The following PTPRT variants were observed in gnomAD, a reference collection of about 807,000 sequenced individuals.
PTPRT encodes the protein protein tyrosine phosphatase receptor type T.
PTPRT carries 56 observed loss-of-function variants against 176.8 expected under a neutral mutation model. That is an observed-to-expected ratio of 0.32 (90% CI 0.26 to 0.40). The LOEUF (loss-of-function observed/expected upper bound fraction) is 0.40, where lower values mean the gene tolerates loss of function less well. Among genes scored for constraint, PTPRT ranks in the 10% least tolerant of loss-of-function variants. PTPRT has a pLI of 1.00. For synonymous variants in PTPRT, 783 were observed against 739.0 expected (o/e 1.06, Z -0.96); for missense variants, 1,540 against 1,908.2 (o/e 0.81, Z 3.60).
intron 16 of PTPRT, among the ~76,000 whole-genome samples, chr20:42,198,279 G>C (rs891482489): frequency 6.6e-6 from 1 of 152,202 alleles, no homozygotes; most frequent in Admixed American, 6.5e-5. Context: ...GTGAGGATGA[G>C]AGACAGTGTC....
At chr20:42,360,033 TG>T (rs2058412048) in intron 9 of PTPRT, among the ~76,000 whole-genome samples, 1 of 152,228 alleles carries the variant, frequency 6.6e-6, no homozygotes, top group African/African-American at 2.4e-5. Context: ...CTATTGGCTG[TG>T]GGATCAAACA....
chr20:42,042,982 G>C, the PTPRT span, among the ~76,000 whole-genome samples: 1 of 152,180 alleles, frequency 6.6e-6, no homozygotes, highest in Non-Finnish European at 1.5e-5. Context: ...AAACATCACC[G>C]CTTTTTAGAG....
intron 7 of PTPRT, among the ~76,000 whole-genome samples, chr20:42,499,144 T>C (rs6072764): frequency 0.12 from 17,676 of 152,096 alleles, 1,122 homozygotes; most frequent in East Asian, 0.2. Flanking sequence ...CAACAGGAAG[T>C]GGCTACAAAA....
intron 11 of PTPRT, among the ~76,000 whole-genome samples, chr20:42,332,363 C>G (rs1271186359): frequency 6.6e-6 from 1 of 152,056 alleles, no homozygotes; most frequent in Non-Finnish European, 1.5e-5. Context: ...GTGCCCACCA[C>G]CACGCCTGGC....
At chr20:42,769,245 TG>T in intron 5 of PTPRT, among the ~76,000 whole-genome samples, 1 of 152,284 alleles carries the variant, frequency 6.6e-6, no homozygotes, top group East Asian at 1.9e-4. Flanking sequence ...GGTCCCTAGA[TG>T]GGCTCTTTAT....
intron 7 of PTPRT, among the ~76,000 whole-genome samples, chr20:42,544,349 A>G (rs2072635819): frequency 6.6e-6 from 1 of 152,126 alleles, no homozygotes; most frequent in Non-Finnish European, 1.5e-5. Context: ...ATTTCCTTAA[A>G]CCTGATGAGC....
chr20:42,629,388 G>A (rs539671337), intron 7 of PTPRT, among the ~76,000 whole-genome samples: 8 of 152,228 alleles, frequency 5.3e-5, no homozygotes, highest in South Asian at 2.1e-4. Context: ...CAGAGATACC[G>A]CAAAGTATCT....
intron 18 of PTPRT, among the ~76,000 whole-genome samples, chr20:42,141,055 A>C (rs559919120): frequency 1.3e-4 from 20 of 152,258 alleles, no homozygotes; most frequent in African/African-American, 3.9e-4. Context: ...TGACTTCATC[A>C]ATGAGTCATT....
At chr20:42,539,652 A>G (rs1164625035) in intron 7 of PTPRT, among the ~76,000 whole-genome samples, 1 of 151,682 alleles carries the variant, frequency 6.6e-6, no homozygotes, top group African/African-American at 2.4e-5. Flanking sequence ...AAAAAAACCC[A>G]CATGCATTTA....
At chr20:42,408,511 G>A (rs2145727851) in intron 9 of PTPRT, among the ~76,000 whole-genome samples, 1 of 152,100 alleles carries the variant, frequency 6.6e-6, no homozygotes, top group Middle Eastern at 3.4e-3. Context: ...AGGGCATGCA[G>A]TCAGGGAATC....
chr20:42,378,651 C>G (rs564042274), intron 9 of PTPRT, among the ~76,000 whole-genome samples: 1 of 152,254 alleles, frequency 6.6e-6, no homozygotes, highest in African/African-American at 2.4e-5. Context: ...CTTAAGATCA[C>G]TGGAGGCAGC....
intron 1 of PTPRT, among the ~76,000 whole-genome samples, chr20:43,011,032 A>G (rs1012821891): frequency 2.2e-4 from 34 of 152,196 alleles, no homozygotes; most frequent in African/African-American, 8.0e-4. Context: ...GAGAGTTAAG[A>G]AAACGTGGGC....
At chr20:42,568,037 T>A (rs932082314) in intron 7 of PTPRT, among the ~76,000 whole-genome samples, 1 of 151,858 alleles carries the variant, frequency 6.6e-6, no homozygotes, top group African/African-American at 2.4e-5. Context: ...TGACACGATC[T>A]TGGCTCACTG....
chr20:42,743,085 G>C (rs971100), intron 6 of PTPRT, among the ~76,000 whole-genome samples: 148,775 of 152,218 alleles, frequency 0.98, 72,799 homozygotes, highest in East Asian at 1. Flanking sequence ...TTAACTCAAA[G>C]AGGAGGCTTT....
intron 7 of PTPRT, among the ~76,000 whole-genome samples, chr20:42,636,067 C>T (rs558316759): frequency 1.3e-5 from 2 of 152,220 alleles, no homozygotes; most frequent in South Asian, 2.1e-4. Flanking sequence ...AGTTGACCGA[C>T]AATTTGAATA....
intron 6 of PTPRT, among the ~76,000 whole-genome samples, chr20:42,697,324 C>A (rs148896936): frequency 6.6e-6 from 1 of 152,314 alleles, no homozygotes; most frequent in African/African-American, 2.4e-5. Flanking sequence ...CATTTTAATG[C>A]ACTTCAAGTG....
chr20:42,201,644 A>G (rs1393049127), intron 15 of PTPRT, among the ~76,000 whole-genome samples: 2 of 151,300 alleles, frequency 1.3e-5, no homozygotes, highest in Admixed American at 1.3e-4. Context: ...AGAGCTGTGA[A>G]AAGGAGGTAC....
intron 9 of PTPRT, among the ~76,000 whole-genome samples, chr20:42,356,713 A>G (rs2058363014): frequency 6.6e-6 from 1 of 152,148 alleles, no homozygotes; most frequent in Admixed American, 6.5e-5. Flanking sequence ...AACAACAATG[A>G]CAAAATCCAA....
chr20:42,712,501 C>A (rs2076159651), intron 6 of PTPRT, among the ~76,000 whole-genome samples: 1 of 152,186 alleles, frequency 6.6e-6, no homozygotes, highest in African/African-American at 2.4e-5. Context: ...TATGCAAGAT[C>A]ACTCAGGCTA....
Sources: gnomAD v4.1 joint callset for allele counts (sites outside exome capture counted in the v4.1 genomes callset) on GRCh38, gnomAD v4.1.1 for gene constraint, MANE v1.5 for transcripts, NCBI Gene and HGNC (gene_info 2026-07-23, HGNC 2026-07-21) for gene names.